MRPS28: variants seen among roughly 807,000 people sequenced by gnomAD.
MRPS28 encodes small ribosomal subunit protein bS1m.
Under a neutral mutation model 10.8 loss-of-function variants are expected in MRPS28, and 7 were observed. The ratio of observed to expected loss-of-function variants is 0.65; its 90% CI spans 0.37 to 1.22. The LOEUF (loss-of-function observed/expected upper bound fraction) is 1.22. MRPS28 is among the 50% of genes most tolerant of loss of function. The probability of loss-of-function intolerance (pLI) is 0.02; values close to 1 mark genes in which losing one functional copy is unlikely to be tolerated. For missense variants in MRPS28, 265 were observed against 232.9 expected, an observed-to-expected ratio of 1.14 and a Z score of -0.90; for synonymous variants, 121 against 93.3, an observed-to-expected ratio of 1.30 and a Z score of -1.71.
chr8:80,007,349 TA>T (rs1215617949), intron 1 of MRPS28, among the ~76,000 whole-genome samples: 1 of 152,206 alleles, frequency 6.6e-6, no homozygotes, highest in Non-Finnish European at 1.5e-5. Flanking sequence ...GCATTCCCTT[TA>T]AAAACTGGTG....
intron 2 of MRPS28, among the ~76,000 whole-genome samples, chr8:79,919,951 C>A (rs1434076708): frequency 8.0e-6 from 1 of 125,446 alleles, no homozygotes; most frequent in African/African-American, 3.0e-5. Context: ...TCCCCCCACC[C>A]CATAACAGGC....
chr8:79,972,627 A>T (rs981533018), intron 2 of MRPS28, among the ~76,000 whole-genome samples: 4 of 152,232 alleles, frequency 2.6e-5, no homozygotes, highest in African/African-American at 9.6e-5. Flanking sequence ...CTGCTTTTAA[A>T]ATCAAAACAA....
chr8:79,982,678 A>C (rs2130083407), intron 2 of MRPS28, among the ~76,000 whole-genome samples: 1 of 152,284 alleles, frequency 6.6e-6, no homozygotes, highest in South Asian at 2.1e-4. Context: ...CAGCAGTCTG[A>C]GATCAAACTG....
intron 2 of MRPS28, among the ~76,000 whole-genome samples, chr8:79,991,194 G>A (rs1320099739): frequency 6.6e-6 from 1 of 152,096 alleles, no homozygotes; most frequent in African/African-American, 2.4e-5. Context: ...TGGACTATAT[G>A]GCTGGATAGA....
chr8:80,012,900 G>T (rs111858716), intron 1 of MRPS28, among the ~76,000 whole-genome samples: 2 of 152,068 alleles, frequency 1.3e-5, no homozygotes, highest in Non-Finnish European at 2.9e-5. Context: ...GGAAACAGGG[G>T]CAACTAGTGC....
At position 80,004,073 on chromosome 8, in the gene MRPS28, G is replaced by A. The variant is rs530792733; in HGVS notation, c.214-893C>T. Among the ~76,000 whole-genome samples, 8 of 152,318 alleles carry A rather than the reference G, an allele frequency of 5.3e-5. No homozygotes were observed. In the East Asian group the frequency reaches 7.7e-4, roughly 15 times the overall value. On this transcript the variant is annotated intron_variant, in intron 1 of 2. Transcript: ENST00000276585. The stretch of plus-strand genomic sequence containing the variant: ...CCACCTCTGGGGGCAGGGCATAGCC[G>A]AACAAAAGGCAGGAAAAACCTCTGT...
At chr8:79,975,531 T>C (rs1310106691) in intron 2 of MRPS28, among the ~76,000 whole-genome samples, 1 of 151,956 alleles carries the variant, frequency 6.6e-6, no homozygotes, top group African/African-American at 2.4e-5. Flanking sequence ...ACAAAGAGTA[T>C]AAACTAACAA....
At chr8:79,956,030 C>A (rs943033913) in intron 2 of MRPS28, among the ~76,000 whole-genome samples, 1 of 152,098 alleles carries the variant, frequency 6.6e-6, no homozygotes, top group African/African-American at 2.4e-5. Context: ...GTTCTCTGGA[C>A]CTTAGTTTCC....
Position 79,919,166 on chromosome 8 carries a change from A to T in MRPS28, c.396-18T>A. 4 of 1,543,318 alleles carry T rather than the reference A, an allele frequency of 2.6e-6. No individual in the cohort carries two copies. In the South Asian group the frequency reaches 5.0e-5, roughly 19 times the overall value. ...GGTATTTCCTAAATAGTTAAAAAAA[A>T]AAAAATCCATTAATTCTGAATATCA... On this transcript the variant is annotated intron_variant, in intron 2 of 2. Coordinates refer to ENST00000276585, the MANE Select transcript of MRPS28 (RefSeq NM_014018.3).
At chr8:79,934,962 A>C (rs552107415) in intron 2 of MRPS28, among the ~76,000 whole-genome samples, 1 of 152,352 alleles carries the variant, frequency 6.6e-6, no homozygotes, top group African/African-American at 2.4e-5. Flanking sequence ...TGGTTGTTAA[A>C]AACTAGTGCT....
chr8:79,933,307 C>T (rs1271641264), intron 2 of MRPS28, among the ~76,000 whole-genome samples: 1 of 152,230 alleles, frequency 6.6e-6, no homozygotes, highest in Non-Finnish European at 1.5e-5. Context: ...TCTCTCACTG[C>T]ATGCACATGC....
chr8:80,025,538 G>A (rs535766530), intron 1 of MRPS28, among the ~76,000 whole-genome samples: 8 of 152,170 alleles, frequency 5.3e-5, no homozygotes, highest in Admixed American at 3.3e-4. Context: ...CAATAATTAA[G>A]GCCTTCCTAC....
chr8:79,973,992 T>G (rs922289911), intron 2 of MRPS28, among the ~76,000 whole-genome samples: 4 of 152,066 alleles, frequency 2.6e-5, no homozygotes, highest in Non-Finnish European at 5.9e-5. Context: ...CCTCAAATGA[T>G]CCTCGGCCTC....
chr8:79,953,007 G>A lies in MRPS28; in HGVS notation c.396-33859C>T, dbSNP rs187000705. Reference sequence around the variant, plus strand: ...AAAATTAATTAAACATTCTTGAGAAGCCATGGAGCTGAAGTCAGTGCACTG... The same window carrying A: ...AAAATTAATTAAACATTCTTGAGAAACCATGGAGCTGAAGTCAGTGCACTG... On this transcript the variant is annotated intron_variant, in intron 2 of 2. Transcript: ENST00000276585. Among the ~76,000 whole-genome samples the A allele has an allele frequency of 2.8e-3, 432 of 152,234 alleles. 6 individuals carry two copies. The highest frequency in any genetic ancestry group is 0.027 in the Admixed American group (413 of 15,288).
intron 2 of MRPS28, among the ~76,000 whole-genome samples, chr8:79,944,262 A>G (rs892467832): frequency 6.6e-6 from 1 of 152,196 alleles, no homozygotes; most frequent in Non-Finnish European, 1.5e-5. Context: ...GAATATTCCA[A>G]TATCCCACTG....
chr8:80,016,461 C>T lies in MRPS28; in HGVS notation c.214-13281G>A, dbSNP rs143840225. On this transcript the variant is annotated intron_variant, in intron 1 of 2. Coordinates refer to ENST00000276585, the MANE Select transcript of MRPS28 (RefSeq NM_014018.3). ...GAATTCTGTACCCTGACAAGTTATC[C>T]TTCAAAAATGAAGGAGAATTAAAGA... 1.8e-3 allele frequency among the ~76,000 whole-genome samples: 279 copies of T among 151,138 alleles called. 5 individuals are homozygous for T. In the East Asian group the frequency reaches 0.047, roughly 25 times the overall value.
intron 2 of MRPS28, among the ~76,000 whole-genome samples, chr8:79,983,599 G>A (rs1808047458): frequency 1.3e-5 from 2 of 152,224 alleles, no homozygotes; most frequent in South Asian, 2.1e-4. Flanking sequence ...AGAGCTGAAA[G>A]CCAAGGCTCG....
At chr8:79,985,733 T>G (rs184287472) in intron 2 of MRPS28, among the ~76,000 whole-genome samples, 1 of 152,164 alleles carries the variant, frequency 6.6e-6, no homozygotes, top group Non-Finnish European at 1.5e-5. Context: ...CAGGAAGAAG[T>G]TGACTCTCTG....
chr8:79,963,598 A>C (rs2130013144), intron 2 of MRPS28, among the ~76,000 whole-genome samples: 1 of 152,272 alleles, frequency 6.6e-6, no homozygotes, highest in South Asian at 2.1e-4. Context: ...TCAATAAGAA[A>C]CACTGGCCAG....
Sources: gnomAD v4.1 joint callset for allele counts (sites outside exome capture counted in the v4.1 genomes callset) on GRCh38, gnomAD v4.1.1 for gene constraint, MANE v1.5 for transcripts, NCBI Gene and HGNC (gene_info 2026-07-23, HGNC 2026-07-21) for gene names.